Variants in KMT5B observed in about 807,000 individuals in gnomAD.
The protein encoded by KMT5B is lysine methyltransferase 5B.
In KMT5B, 10 loss-of-function variants were observed where a neutral mutation model predicts 83.2. The ratio of observed to expected loss-of-function variants is 0.12; its 90% CI spans 0.07 to 0.20. The LOEUF (loss-of-function observed/expected upper bound fraction) is 0.20. Ranked by LOEUF, KMT5B falls within the 10% of genes least tolerant of loss-of-function variation. The pLI is 1.00. For missense variants in KMT5B, 753 were observed against 1,067.2 expected (o/e 0.71, Z 4.10); for synonymous variants, 349 against 388.8 (o/e 0.90, Z 1.20).
In KMT5B at chr11:68,185,883, G is replaced by A. The variant is rs1857392576; in HGVS notation, c.206C>T (p.Ser69Phe). 1 of 1,613,766 alleles carries A rather than the reference G, an allele frequency of 6.2e-7. No homozygotes were observed. Among genetic ancestry groups the A allele is most frequent in the African/African-American group, 1.3e-5 (1 of 74,912 alleles). ...GAGTTCCTTGGCGGACATTCCAGAGGATGGTACATAGCGACTCTGTCCTTC... is the reference window on the plus strand; with the variant it reads ...GAGTTCCTTGGCGGACATTCCAGAGAATGGTACATAGCGACTCTGTCCTTC... ...GFEGQSRYVPSSGMSAKELCE... is the reference protein window; with the variant it reads ...GFEGQSRYVPFSGMSAKELCE... The change falls in exon 3 of 11, where the codon TCC becomes TTC. Residue 69 changes from serine to phenylalanine, a missense_variant. Ser to Phe is a radical substitution (Grantham distance 155, BLOSUM62 -2). This residue lies in a region of KMT5B where 56 missense variants were observed against 91.4 expected (regional missense o/e 0.61). Transcript: ENST00000304363.
At chr11:68,178,806 A>T (rs187834577) in intron 4 of KMT5B, among the ~76,000 whole-genome samples, 1,577 of 149,900 alleles carry the variant, frequency 0.011, 12 homozygotes, top group Non-Finnish European at 0.015. Context: ...CCTTAGGGAA[A>T]TTTTTTTTTT....
rs143104318 is a variant in KMT5B, at chr11:68,194,865, A to G, written c.-76-4713T>C. 4.8e-3 allele frequency among the ~76,000 whole-genome samples: 734 copies of G among 152,336 alleles called. 6 individuals carry two copies. The highest frequency in any genetic ancestry group is 8.0e-3 in the Non-Finnish European group (543 of 68,034). On this transcript the variant is annotated intron_variant, in intron 1 of 10. Transcript: ENST00000304363. ...AGAATTAGGTTTTTTGTTGTATCCT[A>G]TAAAAAGCTGCATTAACAACAAGCA...
At chr11:68,213,592 G>GC (rs1861285342), upstream of KMT5B, 1 of 152,694 alleles carries the variant, frequency 6.5e-6, no homozygotes, top group Admixed American at 6.6e-5. Context: ...TCACCTCATC[G>GC]CCCCGCTGCC....
chr11:68,187,936 A>T (rs1857590732), intron 2 of KMT5B, among the ~76,000 whole-genome samples: 1 of 151,940 alleles, frequency 6.6e-6, no homozygotes, highest in Non-Finnish European at 1.5e-5. Flanking sequence ...AGGCTATGTC[A>T]TCTTCACACA....
At chr11:68,204,925 T>C (rs1000918775) in intron 1 of KMT5B, among the ~76,000 whole-genome samples, 2 of 152,100 alleles carry the variant, frequency 1.3e-5, no homozygotes, top group Non-Finnish European at 2.9e-5. Flanking sequence ...CCCATTTCTG[T>C]TGTTTTAAGC....
chr11:68,181,771 T>C (rs772111337), intron 3 of KMT5B, among the ~76,000 whole-genome samples: 1 of 152,246 alleles, frequency 6.6e-6, no homozygotes, highest in Non-Finnish European at 1.5e-5. Context: ...ATTGAAAACA[T>C]ATACCTTTCA....
rs140510923 is a variant in KMT5B, at chr11:68,184,126, T to G, written c.308+1655A>C. On this transcript the variant is annotated intron_variant, in intron 3 of 10. Transcript: ENST00000304363. ...TGGCTCACGTCTATAATCCCAGCAC[T>G]TTGGGAGGCTGAGGCAGGTGGATCA... Among the ~76,000 whole-genome samples, 985 of 152,166 alleles carry G rather than the reference T, an allele frequency of 6.5e-3. 8 individuals carry two copies. Among genetic ancestry groups the G allele is most frequent in the Non-Finnish European group, 8.0e-3 (545 of 67,970 alleles).
chr11:68,201,153 T>C (rs375474531), intron 1 of KMT5B, among the ~76,000 whole-genome samples: 24 of 152,324 alleles, frequency 1.6e-4, no homozygotes, highest in East Asian at 1.2e-3. Context: ...CATAACACGA[T>C]GCCACTAAGG....
intron 1 of KMT5B, among the ~76,000 whole-genome samples, chr11:68,192,254 T>G (rs147005598): frequency 2.1e-4 from 32 of 152,342 alleles, no homozygotes; most frequent in Middle Eastern, 3.4e-3. Flanking sequence ...TCTCAGAATG[T>G]GTGGTATCCC....
chr11:68,201,562 T>A lies in KMT5B; in HGVS notation c.-76-11410A>T, dbSNP rs562603693. Among the ~76,000 whole-genome samples the A allele has an allele frequency of 7.4e-3, 1,127 of 151,924 alleles. 5 individuals carry two copies. The highest frequency in any genetic ancestry group is 0.013 in the Non-Finnish European group (868 of 67,940). On this transcript the variant is annotated intron_variant, in intron 1 of 10. Transcript: ENST00000304363. ...CACAGGCATTTTTTGCTTAATATCCTAAAAACAAACTAAGATTAAAAAAAA... is the reference window on the plus strand; with the variant it reads ...CACAGGCATTTTTTGCTTAATATCCAAAAAACAAACTAAGATTAAAAAAAA...
intron 10 of KMT5B, chr11:68,166,274 G>A: frequency 1.8e-6 from 2 of 1,123,024 alleles, no homozygotes; most frequent in Non-Finnish European, 2.2e-6. Context: ...CCCATTTAGG[G>A]TTTCTTCTCT....
At chr11:68,160,846 C>A (rs1057467992) in intron 10 of KMT5B, among the ~76,000 whole-genome samples, 2 of 152,174 alleles carry the variant, frequency 1.3e-5, no homozygotes, top group Admixed American at 6.5e-5. Flanking sequence ...ACTGGGGAGG[C>A]TGAGGCAGGA....
At chr11:68,166,302 A>C in intron 10 of KMT5B, 1 of 1,087,892 alleles carries the variant, frequency 9.2e-7, no homozygotes, top group Non-Finnish European at 1.1e-6. Context: ...CTCTTTGTTT[A>C]GTCTTCGTTC....
At chr11:68,211,280 G>A (rs1860861611) in intron 1 of KMT5B, among the ~76,000 whole-genome samples, 1 of 152,078 alleles carries the variant, frequency 6.6e-6, no homozygotes, top group Non-Finnish European at 1.5e-5. Flanking sequence ...CTGTCCCCTG[G>A]CATTTGCTGC....
At chr11:68,179,506 T>G in intron 4 of KMT5B, 1 of 1,304,194 alleles carries the variant, frequency 7.7e-7, no homozygotes, top group South Asian at 1.2e-5. Flanking sequence ...ACTTCCCAGG[T>G]TTTCTTGCTA....
intron 4 of KMT5B, chr11:68,179,329 T>A: frequency 1.2e-6 from 1 of 827,552 alleles, no homozygotes; most frequent in African/African-American, 1.8e-5. Context: ...ATTTGCTACT[T>A]TAAATCAACC....
chr11:68,210,037 G>A (rs1467356729), intron 1 of KMT5B, among the ~76,000 whole-genome samples: 1 of 151,798 alleles, frequency 6.6e-6, no homozygotes, highest in Non-Finnish European at 1.5e-5. Context: ...TAGTAGAGAC[G>A]GGGTTTCACC....
At chr11:68,207,945 TTC>T (rs1555044141) in intron 1 of KMT5B, among the ~76,000 whole-genome samples, 1 of 150,696 alleles carries the variant, frequency 6.6e-6, no homozygotes, top group Non-Finnish European at 1.5e-5. Context: ...GTTCAAGGAA[TTC>T]TCTGTCTCAG....
rs114371774 is a variant in KMT5B, at chr11:68,174,437, G to A, written c.544-524C>T. ...CAGATTTTGGAGCATTTCAAATTTT[G>A]GGGTTAAGGGTACTCACTCTGTATG... On this transcript the variant is annotated intron_variant, in intron 5 of 10. Coordinates refer to ENST00000304363, the MANE Select transcript of KMT5B (RefSeq NM_017635.5). 2.4e-3 allele frequency among the ~76,000 whole-genome samples: 363 copies of A among 152,206 alleles called. 2 individuals carry two copies. Among genetic ancestry groups the A allele is most frequent in the African/African-American group, 8.4e-3 (347 of 41,510 alleles).
Sources: allele counts gnomAD v4.1 joint callset (sites outside exome capture counted in the v4.1 genomes callset), GRCh38; gene constraint gnomAD v4.1.1; regional missense constraint gnomAD v4.1.1; transcripts MANE v1.5; gene names NCBI Gene and HGNC (gene_info 2026-07-23, HGNC 2026-07-21).